Variants in SPTBN5 observed in about 807,000 individuals in gnomAD.
The protein encoded by SPTBN5 is spectrin beta, non-erythrocytic 5.
Under a neutral mutation model 477.6 loss-of-function variants are expected in SPTBN5, and 513 were observed. That is an observed-to-expected ratio of 1.07 (90% CI 1.00 to 1.16). The LOEUF (loss-of-function observed/expected upper bound fraction) is 1.16, where lower values mean the gene tolerates loss of function less well. Ranked by LOEUF, SPTBN5 falls within the 50% of genes most tolerant of loss-of-function variation. The pLI, the probability that SPTBN5 is intolerant of heterozygous loss-of-function variation, is 0.00. For synonymous variants in SPTBN5, 2,169 were observed against 2,011.7 expected (o/e 1.08, Z -2.09); for missense variants, 5,062 against 4,731.8 (o/e 1.07, Z -2.05).
intron 9 of SPTBN5, 110 bp downstream of exon 9, chr15:41,882,886 G>A (rs1882547853): frequency 7.4e-7 from 1 of 1,354,440 alleles, no homozygotes; most frequent in Non-Finnish European, 1.0e-6. Context: ...TGGAAGTGAG[G>A]GTCAGTGTGG....
chr15:41,858,407 G>GC (rs1277070251), intron 49 of SPTBN5, among the ~76,000 whole-genome samples, 195 bp downstream of exon 49: 1 of 152,168 alleles, frequency 6.6e-6, no homozygotes, highest in African/African-American at 2.4e-5. Flanking sequence ...TGGAGAGGGT[G>GC]CCCCCCCTGC....
At chr15:41,892,766 C>T in intron 3 of SPTBN5, 128 bp downstream of exon 3, 5 of 1,106,190 alleles carry the variant, frequency 4.5e-6, no homozygotes, top group Non-Finnish European at 5.0e-6. Flanking sequence ...CCAGCCACTC[C>T]TCCTGTACTC....
rs752559834 is a variant in SPTBN5, at chr15:41,882,009, C to T, written c.2384G>A (p.Arg795His). 1 of 1,537,126 alleles carries T rather than the reference C, an allele frequency of 6.5e-7. No individual in the cohort carries two copies. Among genetic ancestry groups the T allele is most frequent in the African/African-American group, 1.4e-5 (1 of 71,198 alleles). Reference protein sequence around the residue: ...RRHVRLERVLRAFAAELRRLE... With the variant: ...RRHVRLERVLHAFAAELRRLE... ...CCGCCGCAGCTCGGCCGCGAAGGCGCGCAGGACGCGCTCCAGCCGCACGTG... is the reference window on the plus strand; with the variant it reads ...CCGCCGCAGCTCGGCCGCGAAGGCGTGCAGGACGCGCTCCAGCCGCACGTG... The change falls in exon 12 of 68, where the codon CGC (arginine) becomes CAC (histidine). Residue 795 changes from arginine (R) to histidine (H), a missense_variant. Physicochemically the swap from Arg to His is conservative, Grantham distance 29. Coordinates refer to ENST00000320955, the MANE Select transcript of SPTBN5 (RefSeq NM_016642.4).
At chr15:41,849,695 C>T (rs1239162001) in intron 67 of SPTBN5, among the ~76,000 whole-genome samples, 174 bp downstream of exon 67, 1 of 152,160 alleles carries the variant, frequency 6.6e-6, no homozygotes, top group Non-Finnish European at 1.5e-5. Flanking sequence ...GGCTTTGTGG[C>T]CTGGATTCCT....
rs2066497856 is a variant in SPTBN5 at position 41,870,524 on chromosome 15, G to C, written c.5484C>G (p.Ala1828=). ...AWSELWELTQ[A]RGHALRDTET... ...CGGTGTCTCGGAGCGCGTGGCCTCG[G>C]GCCTGGGTCAGCTCCCACAGCTCCG... is the stretch of plus-strand genomic sequence containing the variant. The change falls in exon 30 of 68, where the codon GCC becomes GCG. Residue 1828 remains alanine (A), a synonymous_variant. Coordinates refer to ENST00000320955, the MANE Select transcript of SPTBN5 (RefSeq NM_016642.4). 5.0e-6 allele frequency: 8 copies of C among 1,611,602 alleles called. No homozygotes were observed. The African/African-American group carries it at 5.3e-5, about 11-fold the overall frequency.
In SPTBN5 at chr15:41,862,808, G is replaced by T. The variant is rs267604197; in HGVS notation, c.7245C>A (p.Pro2415=). The change falls in exon 42 of 68, where the codon CCC becomes CCA. Residue 2415 remains proline (P), a synonymous_variant. Coordinates refer to ENST00000320955, the MANE Select transcript of SPTBN5 (RefSeq NM_016642.4). ...TACGCACCTCCACCTGGGCCTGGAT[G>T]GGGTGCACTTCCCGCTCCAGCTCCT... ...KHEELEREVH[P]IQAQVESLER... The T allele has an allele frequency of 1.1e-5, 17 of 1,577,882 alleles. No individual in the cohort carries two copies. Among genetic ancestry groups the T allele is most frequent in the South Asian group, 5.8e-5 (5 of 85,800 alleles).
Position 41,867,086 on chromosome 15 carries a change from G to A in SPTBN5, c.6353C>T (p.Pro2118Leu), listed in dbSNP as rs1206070779. 2.6e-6 allele frequency: 4 copies of A among 1,545,230 alleles called. No individual in the cohort carries two copies. Among genetic ancestry groups the A allele is most frequent in the Admixed American group, 2.0e-5 (1 of 51,040 alleles). The change falls in exon 36 of 68, where the codon CCC becomes CTC. Residue 2118 changes from proline to leucine, a missense_variant. Coordinates refer to ENST00000320955, the MANE Select transcript of SPTBN5 (RefSeq NM_016642.4). ...GATGGGAAGCCGGTCCCGCACCCGG[G>A]GGCGCCGGAGCGTCTTCAGCCGCTC... The part of the protein sequence containing the change: ...LRERLKTLRR[P>L]RVRDRLPILL...
rs892621804 is a variant in SPTBN5 at position 41,882,060 on chromosome 15, G to A, written c.2333C>T (p.Ala778Val). Residue 778 changes from alanine (A) to valine (V), a missense_variant, in exon 12 of 68, where the codon GCG (alanine) becomes GTG (valine). Physicochemically the swap from Ala to Val is moderately conservative, Grantham distance 64. Coordinates refer to ENST00000320955, the MANE Select transcript of SPTBN5 (RefSeq NM_016642.4). ...GCGCCTCAGCAGGGTCTCGGCGGCC[G>A]CCTGGTCCTGACCGCAGGACGCTCT... The part of the protein sequence containing the change: ...LERASCGQDQ[A>V]AAETLLRRHV... 6 of 1,563,034 alleles carry A rather than the reference G, an allele frequency of 3.8e-6. No individual in the cohort carries two copies. In the Admixed American group the frequency reaches 5.3e-5, roughly 14 times the overall value.
intron 66 of SPTBN5, 23 bp downstream of exon 66, chr15:41,850,831 C>T (rs368975754): frequency 7.5e-5 from 118 of 1,570,750 alleles, no homozygotes; most frequent in East Asian, 4.5e-4. Flanking sequence ...CCGCCCTCCC[C>T]GCATCCTTCC....
rs1016369175 is a variant in SPTBN5, at chr15:41,848,180, A to G, written c.*436T>C. On this transcript the variant is annotated 3_prime_UTR_variant, in exon 68 of 68. Coordinates refer to ENST00000320955, the MANE Select transcript of SPTBN5 (RefSeq NM_016642.4). ...GAGACCATCTGTTATTACTGCTGAGAAGGGCCATGTCATTCTAGGCTCTTG... is the reference window on the plus strand; with the variant it reads ...GAGACCATCTGTTATTACTGCTGAGGAGGGCCATGTCATTCTAGGCTCTTG... 2.5e-5 allele frequency: 13 copies of G among 520,578 alleles called. No homozygotes were observed. In the East Asian group the frequency reaches 4.5e-4, roughly 18 times the overall value. 32.2% of individuals were successfully genotyped at this position (520,578 alleles called of 1,614,324 possible).
At position 41,882,418 on chromosome 15, in the gene SPTBN5, G is replaced by C; in HGVS notation, c.2098C>G (p.Arg700Gly). Residue 700 changes from arginine to glycine, a missense_variant, in exon 11 of 68, where the codon CGG becomes GGG. Arg to Gly is a moderately radical substitution (Grantham distance 125). Coordinates refer to ENST00000320955, the MANE Select transcript of SPTBN5 (RefSeq NM_016642.4). ...RHQAVCVDLV[R>G]RGRDLSARRP... ...CGGGCGCTGAGGTCGCGTCCCCTCC[G>C]CACGAGATCTACGCACACGGCCTGG... 1.9e-6 allele frequency: 3 copies of C among 1,539,734 alleles called. No individual in the cohort carries two copies. The highest frequency in any genetic ancestry group is 2.6e-6 in the Non-Finnish European group (3 of 1,149,438).
rs968574532 is a variant in SPTBN5 at position 41,887,414 on chromosome 15, C to T, written c.687G>A (p.Leu229=). ...GGTTGTGCAGTGGGCGGTCTGGACG[C>T]AGGGAGCCGTAGTCCAACAGGTCTG... The part of the protein sequence containing the change: ...HRPDLLDYGS[L]RPDRPLHNLA... The change falls in exon 6 of 68, where the codon CTG becomes CTA. Residue 229 remains leucine (L), a synonymous_variant. Coordinates refer to ENST00000320955, the MANE Select transcript of SPTBN5 (RefSeq NM_016642.4). The T allele has an allele frequency of 3.2e-6, 5 of 1,553,112 alleles. No individual in the cohort carries two copies. In the Admixed American group the frequency reaches 7.8e-5, roughly 24 times the overall value.
At position 41,850,809 on chromosome 15, in the gene SPTBN5, C is replaced by T. The variant is rs55787139; in HGVS notation, c.10921+45G>A. The T allele has an allele frequency of 8.3e-3, 12,612 of 1,517,894 alleles. 980 individuals carry two copies. In the African/African-American group the frequency reaches 0.16, roughly 19 times the overall value. The allele number at this position is 1,517,894 out of a possible 1,614,324, so 94.0% of individuals were successfully genotyped here. A position where few individuals can be genotyped will look rare whatever the true frequency, so the allele number is the denominator to read the frequency against. ...CACTAGGGGCCCAGGAGCTTGGGGC[C>T]CAGGGAGTCGGCCGCCCTCCCCGCA... On this transcript the variant is annotated intron_variant, in intron 66 of 67. Coordinates refer to ENST00000320955, the MANE Select transcript of SPTBN5 (RefSeq NM_016642.4).
intron 24 of SPTBN5, 106 bp downstream of exon 24, chr15:41,874,186 C>G (rs1255010073): frequency 2.6e-6 from 4 of 1,510,566 alleles, no homozygotes; most frequent in Non-Finnish European, 2.7e-6. Flanking sequence ...AATTGGGATA[C>G]CCAGGGGTGA....
Position 41,882,603 on chromosome 15 carries a change from GC to G in SPTBN5, c.2027del (p.Gly676AlafsTer21). On this transcript the variant is annotated frameshift_variant, in exon 10 of 68. Transcript: ENST00000320955. LOFTEE classifies it high-confidence loss of function. ...ALGRDLSQIA[G>X]ALQKHKALEA... is the part of the protein sequence containing the mutation. ...CTGACACCTTGTGTTTCTGCAGGGC[GC>G]CTGCGATCTGGCTGAGATCCCGGCC... 6.2e-7 allele frequency: 1 copy of G among 1,603,436 alleles called. No homozygotes were observed.
chr15:41,863,682 G>A (rs781471596), intron 41 of SPTBN5, 22 bp downstream of exon 41: 34 of 1,596,478 alleles, frequency 2.1e-5, no homozygotes, highest in African/African-American at 5.4e-5. Context: ...AGCCCCCACC[G>A]GGACCTCTTT....
At chr15:41,851,699 A>G in intron 63 of SPTBN5, 80 bp downstream of exon 63, 2 of 1,088,208 alleles carry the variant, frequency 1.8e-6, no homozygotes, top group Non-Finnish European at 2.8e-6. Context: ...CAAGGGTGCC[A>G]GGCCCAGATG....
intron 25 of SPTBN5, 114 bp from the exon 26 acceptor site, chr15:41,873,722 C>T: frequency 7.5e-6 from 11 of 1,470,882 alleles, no homozygotes; most frequent in Non-Finnish European, 8.3e-6. Context: ...CCCATAGGGG[C>T]ACCCATCAGC....
intron 10 of SPTBN5, 51 bp from the exon 11 acceptor site, chr15:41,882,520 G>A: frequency 6.3e-7 from 1 of 1,575,012 alleles, no homozygotes; most frequent in Non-Finnish European, 8.6e-7. Flanking sequence ...AGGGGAGGGG[G>A]CCGGGGGCCC....
Sources: gnomAD v4.1 joint callset for allele counts (sites outside exome capture counted in the v4.1 genomes callset) on GRCh38, gnomAD v4.1.1 for gene constraint, MANE v1.5 for transcripts, NCBI Gene and HGNC (gene_info 2026-07-23, HGNC 2026-07-21) for gene names.